KLHL32: variants seen among roughly 807,000 people sequenced by gnomAD.
KLHL32 encodes kelch-like protein 32.
Under a neutral mutation model 64.8 loss-of-function variants are expected in KLHL32, and 35 were observed. That is an observed-to-expected ratio of 0.54 (90% confidence interval 0.41 to 0.72). The LOEUF (loss-of-function observed/expected upper bound fraction) is 0.72, where lower values mean the gene tolerates loss of function less well. KLHL32 is among the 30% of genes least tolerant of loss of function. KLHL32 has a pLI of 0.00. For missense variants in KLHL32, 589 were observed against 768.5 expected, an observed-to-expected ratio of 0.77 and a Z score of 2.76; for synonymous variants, 259 against 281.0, an observed-to-expected ratio of 0.92 and a Z score of 0.78.
chr6:96,988,873 A>C (rs1777476642), intron 3 of KLHL32, among the ~76,000 whole-genome samples: 1 of 151,760 alleles, frequency 6.6e-6, no homozygotes, highest in East Asian at 1.9e-4. Context: ...CAAACACCGC[A>C]TGTTCTCACT....
intron 5 of KLHL32, among the ~76,000 whole-genome samples, chr6:97,065,509 C>A (rs1205377564): frequency 1.3e-5 from 2 of 152,176 alleles, no homozygotes; most frequent in African/African-American, 4.8e-5. Context: ...GGCTATGAGT[C>A]TCTTGGACTT....
At chr6:97,041,309 A>G (rs1049116644) in intron 3 of KLHL32, among the ~76,000 whole-genome samples, 183 bp from the exon 4 acceptor site, 9 of 152,216 alleles carry the variant, frequency 5.9e-5, no homozygotes, top group South Asian at 4.1e-4. Flanking sequence ...TGTTATTGCA[A>G]CTGTTCAGAC....
chr6:96,936,475 T>C (rs1770615246), intron 1 of KLHL32, among the ~76,000 whole-genome samples: 1 of 152,242 alleles, frequency 6.6e-6, no homozygotes, highest in South Asian at 2.1e-4. Flanking sequence ...CACCCAAACC[T>C]TGGAAACATC....
intron 6 of KLHL32, among the ~76,000 whole-genome samples, chr6:97,093,946 G>A (rs1236332797): frequency 2.0e-5 from 3 of 152,180 alleles, no homozygotes; most frequent in African/African-American, 7.2e-5. Context: ...TCTGTAGGCT[G>A]TTGTCCCTAT....
intron 5 of KLHL32, among the ~76,000 whole-genome samples, chr6:97,076,712 C>T (rs758345908): frequency 4.6e-5 from 7 of 152,112 alleles, no homozygotes; most frequent in African/African-American, 7.2e-5. Context: ...ATGGTGCATA[C>T]GTATGCTAAA....
chr6:96,998,592 C>T (rs374229783), intron 3 of KLHL32, among the ~76,000 whole-genome samples: 1 of 152,158 alleles, frequency 6.6e-6, no homozygotes, highest in African/African-American at 2.4e-5. Flanking sequence ...GCATGAATGT[C>T]ACTAAAATTA....
chr6:97,073,977 G>C (rs1340648864), intron 5 of KLHL32, among the ~76,000 whole-genome samples: 9 of 152,182 alleles, frequency 5.9e-5, no homozygotes. Context: ...GTGGCTGCTT[G>C]TCTGTGTCAT....
intron 6 of KLHL32, among the ~76,000 whole-genome samples, chr6:97,096,870 GC>G (rs1795058424): frequency 6.6e-6 from 1 of 152,180 alleles, no homozygotes; most frequent in South Asian, 2.1e-4. Flanking sequence ...GGATATTCCT[GC>G]CCTTGGTTTT....
chr6:97,014,266 A>G (rs573849219), intron 3 of KLHL32, among the ~76,000 whole-genome samples: 14 of 151,476 alleles, frequency 9.2e-5, no homozygotes, highest in East Asian at 2.0e-4. Context: ...CTGCACTCCA[A>G]CCTGGGTGAC....
At chr6:97,062,740 C>T (rs1451552352) in intron 4 of KLHL32, among the ~76,000 whole-genome samples, 1 of 152,164 alleles carries the variant, frequency 6.6e-6, no homozygotes, top group African/African-American at 2.4e-5. Context: ...GACTAAGTCC[C>T]TGCTCTCCTG....
chr6:97,076,768 CT>C (rs1791663448), intron 5 of KLHL32, among the ~76,000 whole-genome samples: 1 of 152,068 alleles, frequency 6.6e-6, no homozygotes. Context: ...TTTTTCCCAT[CT>C]TTTTAGGTTG....
the KLHL32 span, among the ~76,000 whole-genome samples, chr6:96,905,854 A>G: frequency 6.6e-6 from 1 of 152,194 alleles, no homozygotes; most frequent in African/African-American, 2.4e-5. Flanking sequence ...ACCCAACTAT[A>G]CATATTTAAG....
At chr6:96,904,904 T>G in the KLHL32 span, among the ~76,000 whole-genome samples, 2 of 152,092 alleles carry the variant, frequency 1.3e-5, no homozygotes, top group Non-Finnish European at 2.9e-5. Context: ...TTTATCAGTT[T>G]GCTTTTTCCC....
chr6:96,924,413 C>T (rs548163140), upstream of KLHL32, among the ~76,000 whole-genome samples: 92 of 120,738 alleles, frequency 7.6e-4, no homozygotes, highest in African/African-American at 2.7e-3. Context: ...AGGAGGGCGG[C>T]GTGGAGGAGG....
the KLHL32 span, among the ~76,000 whole-genome samples, chr6:96,909,913 T>C: frequency 2.0e-5 from 3 of 152,282 alleles, no homozygotes; most frequent in East Asian, 5.8e-4. Flanking sequence ...AGTTTTGAAA[T>C]AGAAGATTTA....
intron 5 of KLHL32, among the ~76,000 whole-genome samples, chr6:97,081,003 T>C (rs1375650043): frequency 6.6e-6 from 1 of 152,160 alleles, no homozygotes; most frequent in African/African-American, 2.4e-5. Context: ...CATCATCCTG[T>C]TTTAAAATGT....
At chr6:97,084,264 C>G (rs1321979722) in intron 5 of KLHL32, among the ~76,000 whole-genome samples, 1 of 152,162 alleles carries the variant, frequency 6.6e-6, no homozygotes, top group African/African-American at 2.4e-5. Context: ...ATAGCCCACT[C>G]TCATTCTACT....
Position 97,139,823 on chromosome 6 carries a change from C to T in KLHL32, c.*541C>T, listed in dbSNP as rs1800490141. 6.6e-6 allele frequency: 1 copy of T among 152,088 alleles called. No individual in the cohort carries two copies. The allele number at this position is 152,088 out of a possible 1,614,324, so 9.4% of individuals were successfully genotyped here. A position where few individuals can be genotyped will look rare whatever the true frequency, so the allele number is the denominator to read the frequency against. On this transcript the variant is annotated 3_prime_UTR_variant, in exon 11 of 11. Transcript: ENST00000369261. Reference sequence around the variant, plus strand: ...GGTGATACGAATAATAATAGACATACACTGGAACAGCAGTTGTTGAAATAC... The same window carrying T: ...GGTGATACGAATAATAATAGACATATACTGGAACAGCAGTTGTTGAAATAC...
chr6:97,114,169 C>A lies in KLHL32; in HGVS notation c.1014C>A (p.His338Gln). ...CTCCCATGCCTGTGGGAAGGAGCCACCATTGTGTGGCAGTCATGGGGGACT... is the reference window on the plus strand; with the variant it reads ...CTCCCATGCCTGTGGGAAGGAGCCAACATTGTGTGGCAGTCATGGGGGACT... ...ELAPMPVGRS[H>Q]HCVAVMGDFL... Residue 338 changes from histidine (H) to glutamine (Q), a missense_variant, in exon 7 of 11, where the codon CAC (histidine) becomes CAA (glutamine). Coordinates refer to ENST00000369261, the MANE Select transcript of KLHL32 (RefSeq NM_052904.4). 1 of 1,614,112 alleles carries A rather than the reference C, an allele frequency of 6.2e-7. No individual in the cohort carries two copies. The highest frequency in any genetic ancestry group is 8.5e-7 in the Non-Finnish European group (1 of 1,180,034).
Sources: allele counts gnomAD v4.1 joint callset (sites outside exome capture counted in the v4.1 genomes callset), GRCh38; gene constraint gnomAD v4.1.1; transcripts MANE v1.5; gene names NCBI Gene and HGNC (gene_info 2026-07-23, HGNC 2026-07-21).